Variants in ROBO2 observed in about 807,000 individuals in gnomAD.
ROBO2 encodes roundabout homolog 2.
ROBO2 carries 53 observed loss-of-function variants against 160.8 expected under a neutral mutation model. The ratio of observed to expected loss-of-function variants is 0.33; its 90% confidence interval spans 0.26 to 0.41. ROBO2 has a LOEUF of 0.41. Ranked by LOEUF, ROBO2 falls within the 10% of genes least tolerant of loss-of-function variation. The pLI, the probability that ROBO2 is intolerant of heterozygous loss-of-function variation, is 1.00. For synonymous variants in ROBO2, 664 were observed against 611.7 expected (o/e 1.09, Z -1.26); for missense variants, 1,577 against 1,722.4 (o/e 0.92, Z 1.49).
chr3:76,553,149 A>G (rs577440228), intron 2 of ROBO2, among the ~76,000 whole-genome samples: 42 of 152,294 alleles, frequency 2.8e-4, no homozygotes, highest in African/African-American at 9.1e-4. Flanking sequence ...TTGGGACATC[A>G]ACATATAAAC....
At chr3:76,982,102 T>A (rs1289652452) in intron 2 of ROBO2, among the ~76,000 whole-genome samples, 1 of 152,176 alleles carries the variant, frequency 6.6e-6, no homozygotes, top group Non-Finnish European at 1.5e-5. Context: ...AATTTCTCTA[T>A]TTTTTTGTTG....
chr3:77,153,604 G>T (rs2077719599), intron 2 of ROBO2, among the ~76,000 whole-genome samples: 1 of 152,072 alleles, frequency 6.6e-6, no homozygotes, highest in South Asian at 2.1e-4. Context: ...ATGCAATAAT[G>T]AGAGGAAGCC....
intron 2 of ROBO2, among the ~76,000 whole-genome samples, chr3:76,992,804 A>G (rs1378011886): frequency 6.6e-6 from 1 of 151,960 alleles, no homozygotes; most frequent in South Asian, 2.1e-4. Context: ...TAAAACATAA[A>G]AAGTCAAAGT....
intron 2 of ROBO2, among the ~76,000 whole-genome samples, chr3:76,676,913 C>G (rs1236593622): frequency 6.6e-6 from 1 of 152,084 alleles, no homozygotes; most frequent in African/African-American, 2.4e-5. Flanking sequence ...GAAGGTACCA[C>G]TCTACCTGGG....
At chr3:77,041,284 G>A (rs184792084) in intron 1 of ROBO2, among the ~76,000 whole-genome samples, 2 of 152,324 alleles carry the variant, frequency 1.3e-5, no homozygotes, top group East Asian at 3.9e-4. Flanking sequence ...AGTGGGTTAG[G>A]AATTTGAGAC....
intron 2 of ROBO2, among the ~76,000 whole-genome samples, chr3:76,635,783 C>T (rs1011186808): frequency 6.6e-6 from 1 of 152,204 alleles, no homozygotes; most frequent in Non-Finnish European, 1.5e-5. Flanking sequence ...CAAAAATGTT[C>T]AAGTTTTAGA....
chr3:76,749,395 C>A (rs1037988356), intron 2 of ROBO2, among the ~76,000 whole-genome samples: 2 of 151,822 alleles, frequency 1.3e-5, no homozygotes, highest in East Asian at 3.9e-4. Flanking sequence ...TGCTATGGGA[C>A]ATGAAATTAT....
intron 2 of ROBO2, among the ~76,000 whole-genome samples, chr3:75,984,209 A>T (rs1001253964): frequency 6.6e-6 from 1 of 151,558 alleles, no homozygotes; most frequent in Non-Finnish European, 1.5e-5. Context: ...AAGCAGCCAC[A>T]TATGTACTAA....
chr3:76,751,042 A>C (rs2108228567), intron 2 of ROBO2, among the ~76,000 whole-genome samples: 1 of 152,250 alleles, frequency 6.6e-6, no homozygotes, highest in African/African-American at 2.4e-5. Context: ...CTGACTTCAA[A>C]CTATACTACA....
At chr3:76,961,260 A>C (rs1412651990) in intron 2 of ROBO2, among the ~76,000 whole-genome samples, 5 of 151,794 alleles carry the variant, frequency 3.3e-5, no homozygotes, top group Admixed American at 6.6e-5. Context: ...AAAAAAAAAA[A>C]AAAAAAAACA....
intron 2 of ROBO2, among the ~76,000 whole-genome samples, chr3:76,692,193 G>C (rs138239462): frequency 3.3e-3 from 505 of 152,244 alleles, no homozygotes; most frequent in Non-Finnish European, 5.8e-3. Context: ...TCAGGGGAGA[G>C]GGGGCAGCAG....
chr3:76,834,976 C>G, intron 2 of ROBO2, among the ~76,000 whole-genome samples: 1 of 152,030 alleles, frequency 6.6e-6, no homozygotes, highest in East Asian at 1.9e-4. Context: ...TCAACTAAGT[C>G]TATGCTTTCA....
intron 2 of ROBO2, among the ~76,000 whole-genome samples, chr3:77,122,359 T>C (rs2074864305): frequency 6.6e-6 from 1 of 152,192 alleles, no homozygotes; most frequent in Admixed American, 6.5e-5. Context: ...CAAATTTCAG[T>C]CTAGTGTCCC....
intron 2 of ROBO2, among the ~76,000 whole-genome samples, chr3:77,435,424 A>T (rs1396348190): frequency 6.6e-6 from 1 of 152,176 alleles, no homozygotes; most frequent in Non-Finnish European, 1.5e-5. Context: ...AAGAAATGTG[A>T]AAAGTAGCAT....
At chr3:75,950,889 A>T (rs2107184974) in intron 2 of ROBO2, among the ~76,000 whole-genome samples, 1 of 152,220 alleles carries the variant, frequency 6.6e-6, no homozygotes. Context: ...AGCTGACAGG[A>T]TAGGCTGTGG....
chr3:76,763,077 T>C (rs2061392746), intron 2 of ROBO2, among the ~76,000 whole-genome samples: 1 of 151,708 alleles, frequency 6.6e-6, no homozygotes, highest in Non-Finnish European at 1.5e-5. Flanking sequence ...TTAGTCTTTG[T>C]TAAACAAAGG....
intron 2 of ROBO2, among the ~76,000 whole-genome samples, chr3:76,393,123 C>T (rs909260435): frequency 7.2e-5 from 11 of 152,064 alleles, no homozygotes; most frequent in Admixed American, 7.2e-4. Flanking sequence ...CTAGATATAA[C>T]ATCGTTTTGT....
intron 4 of ROBO2, among the ~76,000 whole-genome samples, chr3:77,490,523 T>A (rs1225799502): frequency 1.3e-5 from 2 of 152,210 alleles, no homozygotes; most frequent in Admixed American, 6.5e-5. Flanking sequence ...GATTTGATCA[T>A]ATTTATCTTC....
chr3:77,158,024 A>G (rs539531495), intron 2 of ROBO2, among the ~76,000 whole-genome samples: 1 of 152,262 alleles, frequency 6.6e-6, no homozygotes, highest in South Asian at 2.1e-4. Context: ...TTCTCATATG[A>G]AATGAATCTA....
Sources: gnomAD v4.1 joint callset for allele counts (sites outside exome capture counted in the v4.1 genomes callset) on GRCh38, gnomAD v4.1.1 for gene constraint, MANE v1.5 for transcripts, NCBI Gene and HGNC (gene_info 2026-07-23, HGNC 2026-07-21) for gene names.